The following NOMO2 variants were observed in gnomAD, a reference collection of about 807,000 sequenced individuals.
The protein encoded by NOMO2 is BOS complex subunit NOMO2.
A neutral mutation model predicts 67.1 loss-of-function variants in NOMO2; 14 were observed. The ratio of observed to expected loss-of-function variants is 0.21; its 90% CI spans 0.14 to 0.33. NOMO2 has a LOEUF of 0.33. Among genes scored for constraint, NOMO2 ranks in the 10% least tolerant of loss-of-function variants. NOMO2 has a pLI of 1.00. For missense variants in NOMO2, 178 were observed against 761.0 expected, an observed-to-expected ratio of 0.23 and a Z score of 9.01; for synonymous variants, 80 against 305.9, an observed-to-expected ratio of 0.26 and a Z score of 7.71.
intron 1 of NOMO2, among the ~76,000 whole-genome samples, chr16:18,561,024 G>T (rs1902025290): frequency 6.6e-6 from 1 of 150,584 alleles, no homozygotes. Context: ...CAAAAATGAG[G>T]CCCAGGCCTT....
chr16:18,533,053 A>G lies in NOMO2; in HGVS notation c.1347T>C (p.Ala449=), dbSNP rs773725707. Residue 449 remains alanine, a synonymous_variant, in exon 12 of 31, where the codon GCT becomes GCC. Coordinates refer to ENST00000622306, the MANE Select transcript of NOMO2 (RefSeq NM_173614.4). ...TTGCTTTAAAACAAAATGATCCATGAGCATCTGTCTCCACGGTGACCAAAG... is the reference window on the plus strand; with the variant it reads ...TTGCTTTAAAACAAAATGATCCATGGGCATCTGTCTCCACGGTGACCAAAG... ...DKSLVTVETD[A]HGSFCFKAKP... is the part of the protein sequence containing the mutation. The G allele has an allele frequency of 6.2e-7, 1 of 1,609,432 alleles. No homozygotes were observed.
chr16:18,537,066 C>G (rs550521329), intron 11 of NOMO2, among the ~76,000 whole-genome samples: 2 of 152,098 alleles, frequency 1.3e-5, no homozygotes, highest in African/African-American at 4.8e-5. Context: ...CTGTTTTTGG[C>G]CTACTGTTCT....
intron 15 of NOMO2, among the ~76,000 whole-genome samples, chr16:18,528,992 CATATATAT>C (rs60355905): frequency 0.019 from 237 of 12,316 alleles, 13 homozygotes; most frequent in African/African-American, 0.033. Flanking sequence ...AAAAAAAATA[CATATATAT>C]ATATATATAT....
At chr16:18,533,226 C>T in intron 11 of NOMO2, 47 bp from the exon 12 acceptor site, 4 of 1,587,714 alleles carry the variant, frequency 2.5e-6, no homozygotes, top group Non-Finnish European at 3.4e-6. Flanking sequence ...TCAATTATAA[C>T]AGGAAAGGCT....
In NOMO2 at chr16:18,557,621, G is replaced by A; in HGVS notation, c.255+81C>T. The A allele has an allele frequency of 3.7e-6, 6 of 1,610,562 alleles. No homozygotes were observed. In the South Asian group the frequency reaches 6.6e-5, roughly 18 times the overall value. On this transcript the variant is annotated intron_variant, in intron 2 of 30. Coordinates refer to ENST00000622306, the MANE Select transcript of NOMO2 (RefSeq NM_173614.4). ...ACAAAACAGATGAGCATTTGCTAGT[G>A]TAGGAAAGGGCATGGTTAATGCAGC... is the stretch of plus-strand genomic sequence containing the variant.
chr16:18,528,992 CATATATATATATATATAT>C (rs60355905), intron 15 of NOMO2, among the ~76,000 whole-genome samples: 1,136 of 12,278 alleles, frequency 0.093, 85 homozygotes, highest in South Asian at 0.13. Flanking sequence ...AAAAAAAATA[CATATATATATATATATAT>C]ATATATATAT....
intron 15 of NOMO2, among the ~76,000 whole-genome samples, chr16:18,529,008 TA>T (rs1901226040): frequency 5.4e-5 from 1 of 18,352 alleles, no homozygotes; most frequent in African/African-American, 2.1e-4. Context: ...TATATATATA[TA>T]TATATATATA....
chr16:18,528,962 C>T (rs1596845037), intron 15 of NOMO2, among the ~76,000 whole-genome samples: 2 of 76,890 alleles, frequency 2.6e-5, no homozygotes, highest in African/African-American at 4.2e-5. Flanking sequence ...AGCAAGACTC[C>T]ATCTCAAAAA....
At position 18,560,854 on chromosome 16, in the gene NOMO2, C is replaced by G. The variant is rs1404994879; in HGVS notation, c.165+1022G>C. Reference sequence around the variant, plus strand: ...AGAGCTTCACCCTTCACTGCCAGCCCTGGAACAGCTCAAAGGTGCTTTCAG... The same window carrying G: ...AGAGCTTCACCCTTCACTGCCAGCCGTGGAACAGCTCAAAGGTGCTTTCAG... On this transcript the variant is annotated intron_variant, in intron 1 of 30. Coordinates refer to ENST00000622306, the MANE Select transcript of NOMO2 (RefSeq NM_173614.4). Among the ~76,000 whole-genome samples the G allele has an allele frequency of 1.3e-3, 199 of 151,462 alleles. 5 individuals carry two copies. The highest frequency in any genetic ancestry group is 1.8e-4 in the Non-Finnish European group (12 of 67,910).
intron 2 of NOMO2, among the ~76,000 whole-genome samples, chr16:18,556,088 T>C (rs1221260388): frequency 1.4e-4 from 17 of 124,724 alleles, no homozygotes; most frequent in African/African-American, 5.1e-4. Context: ...TTGGGGAAAG[T>C]CTATATGTCC....
At chr16:18,556,710 T>C (rs1277898935) in intron 2 of NOMO2, among the ~76,000 whole-genome samples, 1 of 152,130 alleles carries the variant, frequency 6.6e-6, no homozygotes, top group Non-Finnish European at 1.5e-5. Flanking sequence ...ATAGAGGTGT[T>C]TGTGGATACA....
chr16:18,542,593 C>T lies in NOMO2; in HGVS notation c.873+1G>A. On this transcript the variant is annotated splice_donor_variant, in intron 8 of 30. Transcript: ENST00000622306. LOFTEE classifies it high-confidence loss of function. Reference sequence around the variant, plus strand: ...ACAGAACGGAAATCTGCTTCACTCACCACAGTGTAGCCCCCACTTGGCAAG... The same window carrying T: ...ACAGAACGGAAATCTGCTTCACTCATCACAGTGTAGCCCCCACTTGGCAAG... The T allele has an allele frequency of 7.1e-7, 1 of 1,404,182 alleles. No homozygotes were observed. The highest frequency in any genetic ancestry group is 9.9e-7 in the Non-Finnish European group (1 of 1,007,456). The allele number at this position is 1,404,182 out of a possible 1,614,324, so 87.0% of individuals were successfully genotyped here.
At chr16:18,530,105 G>A (rs1271126676) in intron 14 of NOMO2, among the ~76,000 whole-genome samples, 2 of 109,976 alleles carry the variant, frequency 1.8e-5, no homozygotes, top group African/African-American at 3.2e-5. Context: ...GTGACAGAGC[G>A]AGGCTAAATT....
chr16:18,552,862 A>T (rs1377763087), intron 3 of NOMO2, among the ~76,000 whole-genome samples: 6 of 152,110 alleles, frequency 3.9e-5, no homozygotes, highest in African/African-American at 1.4e-4. Flanking sequence ...AGACACATGT[A>T]TCAAAATATA....
At position 18,559,786 on chromosome 16, in the gene NOMO2, CGG is replaced by C. The variant is rs1730235468; in HGVS notation, c.166-1997_166-1996del. 1.3e-5 allele frequency among the ~76,000 whole-genome samples: 2 copies of C among 149,016 alleles called. 1 individual carries two copies. Among genetic ancestry groups the C allele is most frequent in the African/African-American group, 5.1e-5 (2 of 39,556 alleles). On this transcript the variant is annotated intron_variant, in intron 1 of 30. Transcript: ENST00000622306. ...AAGCCAAGGGTGGCAGCCTAAAGATCGGCTGGTTTTCCAGAGAAATAAAGAAC... is the reference window on the plus strand; with the variant it reads ...AAGCCAAGGGTGGCAGCCTAAAGATCCTGGTTTTCCAGAGAAATAAAGAAC...
intron 9 of NOMO2, 122 bp from the exon 10 acceptor site, chr16:18,539,086 C>T (rs1901490331): frequency 1.5e-6 from 1 of 681,160 alleles, no homozygotes; most frequent in African/African-American, 1.8e-5. Flanking sequence ...CCTCCCAACA[C>T]TCAGTGCCCC....
At chr16:18,528,348 C>A (rs1334451911) in intron 15 of NOMO2, among the ~76,000 whole-genome samples, 2 of 151,582 alleles carry the variant, frequency 1.3e-5, no homozygotes, top group African/African-American at 4.8e-5. Flanking sequence ...AAATATCTAT[C>A]ACTTATTATG....
At chr16:18,528,890 C>T (rs1901215401) in intron 15 of NOMO2, among the ~76,000 whole-genome samples, 1 of 145,054 alleles carries the variant, frequency 6.9e-6, no homozygotes, top group Admixed American at 6.9e-5. Flanking sequence ...ATCGCTTGAA[C>T]TCGGGAGGCG....
intron 28 of NOMO2, among the ~76,000 whole-genome samples, chr16:18,507,513 G>A (rs1901013753): frequency 5.5e-5 from 3 of 54,342 alleles, no homozygotes; most frequent in African/African-American, 1.6e-4. Context: ...ATTGCATGAG[G>A]CCCGCGGCTG....
Sources: allele counts gnomAD v4.1 joint callset (sites outside exome capture counted in the v4.1 genomes callset), GRCh38; gene constraint gnomAD v4.1.1; transcripts MANE v1.5; gene names NCBI Gene and HGNC (gene_info 2026-07-23, HGNC 2026-07-21).